The following CIMIP5 variants were observed in gnomAD, a reference collection of about 807,000 sequenced individuals.
CIMIP5 encodes the protein uncharacterized protein C2orf50.
the CIMIP5 span, among the ~76,000 whole-genome samples, chr2:11,134,043 C>G: frequency 2.0e-5 from 3 of 152,056 alleles, no homozygotes; most frequent in African/African-American, 7.2e-5. Context: ...AGCCTTCATA[C>G]TCAGGACAGG....
chr2:11,139,079 G>A, the CIMIP5 span, among the ~76,000 whole-genome samples: 2,303 of 151,878 alleles, frequency 0.015, 58 homozygotes, highest in African/African-American at 0.053. Context: ...CACCATGCCC[G>A]GCTAATTTTT....
the CIMIP5 span, chr2:11,145,567 T>C: frequency 0.17 from 25,197 of 152,348 alleles, 6,037 homozygotes; most frequent in African/African-American, 0.53. Context: ...CTCTTCTTCC[T>C]GGGTGCTCTG....
At chr2:11,133,295 C>G in the CIMIP5 span, 6 of 1,545,696 alleles carry the variant, frequency 3.9e-6, no homozygotes, top group African/African-American at 7.7e-5. Flanking sequence ...CTCTCTCTCT[C>G]TCTCTGACAC....
At chr2:11,143,951 A>C in the CIMIP5 span, 3 of 1,601,100 alleles carry the variant, frequency 1.9e-6, no homozygotes, top group South Asian at 3.4e-5. Context: ...AAGTTGCCAG[A>C]CCATGTGCCT....
At chr2:11,144,821 C>CTT in the CIMIP5 span, 595 of 146,374 alleles carry the variant, frequency 4.1e-3, 2 homozygotes, top group African/African-American at 6.3e-3. Context: ...CTCTCTCTCT[C>CTT]TTTTTTTTTT....
At chr2:11,149,551 C>CA in the CIMIP5 span, among the ~76,000 whole-genome samples, 1 of 151,854 alleles carries the variant, frequency 6.6e-6, no homozygotes, top group African/African-American at 2.4e-5. Flanking sequence ...GCTAAAAATA[C>CA]AAAAAATTAG....
the CIMIP5 span, among the ~76,000 whole-genome samples, chr2:11,140,902 T>A: frequency 6.6e-6 from 1 of 152,080 alleles, no homozygotes; most frequent in South Asian, 2.1e-4. Context: ...TAAAAATACT[T>A]TGTAAACAAA....
chr2:11,140,114 G>A, the CIMIP5 span, among the ~76,000 whole-genome samples: 24 of 133,692 alleles, frequency 1.8e-4, no homozygotes, highest in African/African-American at 4.0e-4. Flanking sequence ...AAGGCTGGGC[G>A]TGGTGGCTCA....
chr2:11,139,372 G>A, the CIMIP5 span, among the ~76,000 whole-genome samples: 1 of 152,186 alleles, frequency 6.6e-6, no homozygotes, highest in Non-Finnish European at 1.5e-5. Flanking sequence ...CTAGGATGTG[G>A]GGCTCAGGGG....
the CIMIP5 span, among the ~76,000 whole-genome samples, chr2:11,135,831 C>T: frequency 2.6e-5 from 4 of 152,052 alleles, no homozygotes; most frequent in East Asian, 7.7e-4. Context: ...GTGTGAGCCA[C>T]CGTGTTTGAC....
chr2:11,140,766 A>G, the CIMIP5 span, among the ~76,000 whole-genome samples: 3 of 152,152 alleles, frequency 2.0e-5, no homozygotes, highest in African/African-American at 7.2e-5. Flanking sequence ...GTGTTTCTTA[A>G]TTTTATTAAG....
the CIMIP5 span, among the ~76,000 whole-genome samples, chr2:11,136,638 A>G: frequency 6.6e-6 from 1 of 152,180 alleles, no homozygotes; most frequent in Non-Finnish European, 1.5e-5. Context: ...CTGCAAATGG[A>G]CACAGGTGTT....
the CIMIP5 span, among the ~76,000 whole-genome samples, chr2:11,148,844 C>T: frequency 0.14 from 20,832 of 150,894 alleles, 4,120 homozygotes; most frequent in African/African-American, 0.44. Context: ...AAGCGATTCT[C>T]CTGCCTCGGC....
chr2:11,135,306 G>A, the CIMIP5 span, among the ~76,000 whole-genome samples: 5 of 152,266 alleles, frequency 3.3e-5, no homozygotes, highest in South Asian at 8.3e-4. Context: ...GCACCATTTC[G>A]CATTCCCATC....
the CIMIP5 span, chr2:11,133,198 T>G: frequency 9.3e-7 from 1 of 1,079,344 alleles, no homozygotes; most frequent in South Asian, 2.0e-5. Flanking sequence ...AAAGGGACAG[T>G]GAGGAGGACC....
the CIMIP5 span, chr2:11,144,158 G>A: frequency 6.7e-7 from 1 of 1,488,976 alleles, no homozygotes; most frequent in South Asian, 1.4e-5. Context: ...TGTGGGTGGG[G>A]ACAAGAGACC....
the CIMIP5 span, among the ~76,000 whole-genome samples, chr2:11,148,730 C>CTTTTTTTTTTTTT: frequency 4.7e-5 from 3 of 63,860 alleles, no homozygotes; most frequent in Non-Finnish European, 2.7e-5. Flanking sequence ...CTAATGAAAA[C>CTTTTTTTTTTTTT]TCTTTTTTTT....
the CIMIP5 span, among the ~76,000 whole-genome samples, chr2:11,138,152 T>G: frequency 1.3e-5 from 2 of 152,200 alleles, no homozygotes; most frequent in African/African-American, 4.8e-5. Context: ...CAGAAAGGTT[T>G]TAAAGGAATG....
chr2:11,138,247 C>A, the CIMIP5 span, among the ~76,000 whole-genome samples: 1 of 152,186 alleles, frequency 6.6e-6, no homozygotes, highest in Non-Finnish European at 1.5e-5. Flanking sequence ...AATCAATGAT[C>A]AGTACATAGA....
Sources: gnomAD v4.1 joint callset for allele counts (sites outside exome capture counted in the v4.1 genomes callset) on GRCh38, gnomAD v4.1.1 for gene constraint, MANE v1.5 for transcripts, NCBI Gene and HGNC (gene_info 2026-07-23, HGNC 2026-07-21) for gene names.